Variants in ABCB1 observed in about 807,000 individuals in gnomAD.
ABCB1 encodes ATP binding cassette subfamily B member 1, also known as ATP-dependent translocase ABCB1.
Under a neutral mutation model 142.0 loss-of-function variants are expected in ABCB1, and 69 were observed. The observed-to-expected ratio is 0.49, with a 90% CI of 0.40 to 0.59. ABCB1 has a LOEUF of 0.59. ABCB1 is among the 20% of genes least tolerant of loss of function. The pLI, the probability that ABCB1 is intolerant of heterozygous loss-of-function variation, is 0.00. For missense variants in ABCB1, 1,326 were observed against 1,554.7 expected (o/e 0.85, Z 2.47); for synonymous variants, 532 against 539.2 (o/e 0.99, Z 0.18).
At chr7:87,619,257 TG>T (rs1014473969) in intron 1 of ABCB1, among the ~76,000 whole-genome samples, 1 of 152,258 alleles carries the variant, frequency 6.6e-6, no homozygotes, top group Non-Finnish European at 1.5e-5. Flanking sequence ...AATGTAAGCT[TG>T]GCTGGGCACA....
intron 19 of ABCB1, among the ~76,000 whole-genome samples, chr7:87,538,915 T>C (rs1192606363): frequency 6.6e-6 from 1 of 151,754 alleles, no homozygotes; most frequent in African/African-American, 2.4e-5. Context: ...GAAGAAACAC[T>C]CGTGCCCTGG....
intron 1 of ABCB1, among the ~76,000 whole-genome samples, chr7:87,634,910 A>G (rs1821611537): frequency 6.6e-6 from 1 of 152,328 alleles, no homozygotes; most frequent in Non-Finnish European, 1.5e-5. Flanking sequence ...CAATGGAGGT[A>G]GGATGATCCT....
At chr7:87,619,239 A>G (rs539872259) in intron 1 of ABCB1, among the ~76,000 whole-genome samples, 2 of 152,344 alleles carry the variant, frequency 1.3e-5, no homozygotes, top group South Asian at 4.1e-4. Context: ...ATAAACCACA[A>G]TGAATGAAAT....
intron 1 of ABCB1, among the ~76,000 whole-genome samples, chr7:87,706,949 G>A (rs1218988690): frequency 6.6e-6 from 1 of 152,178 alleles, no homozygotes; most frequent in East Asian, 1.9e-4. Context: ...GAGTTCAAGG[G>A]CAAGCAAGGT....
At chr7:87,667,057 T>C (rs963963711) in intron 1 of ABCB1, among the ~76,000 whole-genome samples, 10 of 152,218 alleles carry the variant, frequency 6.6e-5, no homozygotes, top group African/African-American at 2.4e-4. Flanking sequence ...AGGAATAGCA[T>C]TGAATCTATA....
intron 21 of ABCB1, among the ~76,000 whole-genome samples, chr7:87,527,423 G>C (rs1392044974): frequency 1.3e-5 from 2 of 152,040 alleles, no homozygotes; most frequent in African/African-American, 2.4e-5. Flanking sequence ...GTTTTGTTTT[G>C]TTTTCTTTTA....
chr7:87,709,763 A>G (rs553156883), intron 1 of ABCB1, among the ~76,000 whole-genome samples: 5 of 152,220 alleles, frequency 3.3e-5, no homozygotes, highest in South Asian at 4.2e-4. Context: ...TCAATTTTCT[A>G]TGTATTTAGT....
chr7:87,585,739 T>G (rs1234333895), intron 3 of ABCB1, 59 bp from the exon 4 acceptor site: 1 of 1,569,192 alleles, frequency 6.4e-7, no homozygotes, highest in African/African-American at 1.4e-5. Flanking sequence ...ATGGAAGATT[T>G]GCTTTTCCTT....
intron 1 of ABCB1, among the ~76,000 whole-genome samples, chr7:87,661,602 AT>A (rs1824723481): frequency 6.6e-6 from 1 of 151,830 alleles, no homozygotes; most frequent in African/African-American, 2.4e-5. Context: ...ATAGGATCTC[AT>A]TTTTTTATGG....
chr7:87,708,144 A>G (rs1031144481), intron 1 of ABCB1, among the ~76,000 whole-genome samples: 8 of 151,664 alleles, frequency 5.3e-5, no homozygotes, highest in Non-Finnish European at 1.2e-4. Context: ...AGAAGGAAAG[A>G]AATAACAGTA....
upstream of ABCB1, among the ~76,000 whole-genome samples, chr7:87,601,973 A>G (rs1330344685): frequency 1.3e-5 from 2 of 152,084 alleles, no homozygotes; most frequent in Admixed American, 6.5e-5. Flanking sequence ...TTACAATACA[A>G]TGAAGTTTTC....
intron 19 of ABCB1, among the ~76,000 whole-genome samples, chr7:87,537,865 G>C (rs1816363914): frequency 6.6e-6 from 1 of 151,964 alleles, no homozygotes; most frequent in South Asian, 2.1e-4. Context: ...AAATAACTGT[G>C]GTCCCTAAGA....
At position 87,648,198 on chromosome 7, in the gene ABCB1, AAAAG is replaced by A. The variant is rs931311392; in HGVS notation, c.-330-47124_-330-47121del. Among the ~76,000 whole-genome samples the A allele has an allele frequency of 5.9e-5, 9 of 151,846 alleles. No homozygotes were observed. The East Asian group carries it at 7.7e-4, about 13-fold the overall frequency. On this transcript the variant is annotated intron_variant, in intron 1 of 28. Coordinates refer to the ABCB1 transcript ENST00000265724. ...AGACTCTGTCTCAAAAAAAAAAAAA[AAAAG>A]AAAGAAAGAAATGGAAAATGATAAT...
intron 26 of ABCB1, among the ~76,000 whole-genome samples, chr7:87,507,082 C>T (rs1489025744): frequency 6.6e-6 from 1 of 152,162 alleles, no homozygotes; most frequent in Non-Finnish European, 1.5e-5. Context: ...GCTAAACCAG[C>T]CACCTACAGG....
intron 1 of ABCB1, among the ~76,000 whole-genome samples, chr7:87,711,144 T>C (rs1830043716): frequency 6.6e-6 from 1 of 151,932 alleles, no homozygotes; most frequent in South Asian, 2.1e-4. Context: ...CTGACCAACA[T>C]GGATAAACCC....
chr7:87,633,506 T>C (rs764302350), intron 1 of ABCB1, among the ~76,000 whole-genome samples: 29 of 152,210 alleles, frequency 1.9e-4, no homozygotes, highest in Non-Finnish European at 1.2e-4. Flanking sequence ...TGGAGTTCTT[T>C]GAGCTTTTGC....
At chr7:87,546,840 T>C (rs1170245886) in intron 14 of ABCB1, among the ~76,000 whole-genome samples, 1 of 152,178 alleles carries the variant, frequency 6.6e-6, no homozygotes, top group African/African-American at 2.4e-5. Flanking sequence ...AAATATTTTA[T>C]CCAAGGAAAC....
chr7:87,649,287 T>A (rs1823336132), intron 1 of ABCB1, among the ~76,000 whole-genome samples: 1 of 152,174 alleles, frequency 6.6e-6, no homozygotes, highest in Non-Finnish European at 1.5e-5. Context: ...TATTTACCAT[T>A]CTTTCAAAAT....
chr7:87,514,687 T>A (rs180852307), intron 25 of ABCB1, among the ~76,000 whole-genome samples: 168 of 152,302 alleles, frequency 1.1e-3, no homozygotes, highest in South Asian at 7.5e-3. Context: ...TATGCTCACT[T>A]ACATCTCCAT....
Sources: gnomAD v4.1 joint callset for allele counts (sites outside exome capture counted in the v4.1 genomes callset) on GRCh38, gnomAD v4.1.1 for gene constraint, MANE v1.5 for transcripts, NCBI Gene and HGNC (gene_info 2026-07-23, HGNC 2026-07-21) for gene names.